The following ROR2 variants were observed in gnomAD, a reference collection of about 807,000 sequenced individuals.
ROR2 encodes tyrosine-protein kinase transmembrane receptor ROR2.
In ROR2, 33 loss-of-function variants were observed where a neutral mutation model predicts 74.9. The ratio of observed to expected loss-of-function variants is 0.44; its 90% confidence interval spans 0.33 to 0.59. The LOEUF (loss-of-function observed/expected upper bound fraction) is 0.59, where lower values mean the gene tolerates loss of function less well. ROR2 is among the 20% of genes least tolerant of loss of function. The pLI is 0.02. For synonymous variants in ROR2, 586 were observed against 558.7 expected (o/e 1.05, Z -0.69); for missense variants, 1,216 against 1,313.8 (o/e 0.93, Z 1.15).
intron 1 of ROR2, among the ~76,000 whole-genome samples, chr9:91,777,957 G>C (rs560362786): frequency 6.6e-6 from 1 of 152,174 alleles, no homozygotes. Flanking sequence ...AGACTCGGGG[G>C]GTCTGTCTCC....
chr9:91,881,849 G>A (rs1450663793), intron 1 of ROR2, among the ~76,000 whole-genome samples: 1 of 152,132 alleles, frequency 6.6e-6, no homozygotes, highest in Non-Finnish European at 1.5e-5. Context: ...GGAGAAATTC[G>A]AGGAAAAGCA....
chr9:91,785,176 T>G (rs1826754949), intron 1 of ROR2, among the ~76,000 whole-genome samples: 1 of 152,162 alleles, frequency 6.6e-6, no homozygotes, highest in Non-Finnish European at 1.5e-5. Flanking sequence ...TTCCAGCTGC[T>G]CCCCTGCAGT....
intron 1 of ROR2, among the ~76,000 whole-genome samples, chr9:91,884,819 T>C (rs1390918140): frequency 2.0e-5 from 3 of 152,106 alleles, no homozygotes; most frequent in Admixed American, 2.0e-4. Flanking sequence ...TCTGGATACA[T>C]ATTAACATGC....
chr9:91,890,148 T>G (rs950002404), intron 1 of ROR2, among the ~76,000 whole-genome samples: 4 of 152,156 alleles, frequency 2.6e-5, no homozygotes, highest in African/African-American at 7.2e-5. Flanking sequence ...TTTCCCTCTT[T>G]CTGGAAGAAA....
chr9:91,886,591 C>G (rs1039149630), intron 1 of ROR2: 1 of 152,454 alleles, frequency 6.6e-6, no homozygotes, highest in Admixed American at 6.5e-5. Context: ...CCGCCCTTCC[C>G]GGCAACCCCC....
rs1554754480 is a variant in ROR2, at chr9:91,741,341, T to TAATAATAAA, written c.495-3824_495-3823insTTTATTATT. 3.0e-4 allele frequency among the ~76,000 whole-genome samples: 40 copies of TAATAATAAA among 132,932 alleles called. 1 individual carries two copies. Among genetic ancestry groups the TAATAATAAA allele is most frequent in the Admixed American group, 6.9e-4 (9 of 12,966 alleles). 87.2% of individuals were successfully genotyped at this position (132,932 alleles called of 152,430 possible). ...ATAATAATAATAATAATAATAATAA[T>TAATAATAAA]AAAATAATGACAACCCTGGGTAAGA... On this transcript the variant is annotated intron_variant, in intron 4 of 8. Transcript: ENST00000375708.
chr9:91,730,629 T>C (rs2118679444), intron 7 of ROR2, among the ~76,000 whole-genome samples: 1 of 152,196 alleles, frequency 6.6e-6, no homozygotes, highest in East Asian at 1.9e-4. Context: ...CCTGGCTAAT[T>C]TTTGTATTTT....
At chr9:91,817,766 G>A (rs1268521360) in intron 1 of ROR2, among the ~76,000 whole-genome samples, 1 of 152,046 alleles carries the variant, frequency 6.6e-6, no homozygotes, top group Admixed American at 6.5e-5. Context: ...TGGGTTTAAC[G>A]ACAGTGATTA....
chr9:91,933,783 A>G (rs1002730080), intron 1 of ROR2, among the ~76,000 whole-genome samples: 2 of 152,218 alleles, frequency 1.3e-5, no homozygotes, highest in Admixed American at 1.3e-4. Flanking sequence ...AATTTCCAGA[A>G]TAGGCAAATC....
chr9:91,898,916 G>GA (rs963170267), intron 1 of ROR2, among the ~76,000 whole-genome samples: 30 of 152,212 alleles, frequency 2.0e-4, no homozygotes, highest in African/African-American at 7.2e-4. Context: ...CAGGAAACTG[G>GA]AAGAAGCCTC....
At chr9:91,731,914 C>CA (rs913937819) in intron 6 of ROR2, among the ~76,000 whole-genome samples, 96 of 152,052 alleles carry the variant, frequency 6.3e-4, no homozygotes, top group African/African-American at 2.1e-3. Flanking sequence ...GACTCTGTCT[C>CA]AAAAAAACAA....
chr9:91,838,966 T>C (rs950723601), intron 1 of ROR2, among the ~76,000 whole-genome samples: 2 of 151,932 alleles, frequency 1.3e-5, no homozygotes, highest in Non-Finnish European at 2.9e-5. Flanking sequence ...AAATTTCAGT[T>C]TGGGAGAGAG....
chr9:91,911,540 C>T (rs1830982073), intron 1 of ROR2, among the ~76,000 whole-genome samples: 1 of 152,098 alleles, frequency 6.6e-6, no homozygotes, highest in Non-Finnish European at 1.5e-5. Context: ...AAATAAGCTT[C>T]AATAAATAAT....
At chr9:91,940,173 T>C (rs1490740916) in intron 1 of ROR2, among the ~76,000 whole-genome samples, 1 of 152,234 alleles carries the variant, frequency 6.6e-6, no homozygotes, top group East Asian at 1.9e-4. Flanking sequence ...TGAAAGGCCA[T>C]TTCCAGCAGG....
intron 1 of ROR2, among the ~76,000 whole-genome samples, chr9:91,846,842 T>C (rs1416585837): frequency 6.6e-6 from 1 of 152,216 alleles, no homozygotes; most frequent in South Asian, 2.1e-4. Flanking sequence ...ACCACTCCGT[T>C]GCCTTCTAGG....
intron 1 of ROR2, among the ~76,000 whole-genome samples, chr9:91,871,393 GAATT>G (rs1056867975): frequency 6.6e-5 from 10 of 152,218 alleles, no homozygotes; most frequent in South Asian, 2.1e-4. Context: ...AAAGTTGGCT[GAATT>G]AATTAATTAA....
At position 91,755,797 on chromosome 9, in the gene ROR2, A is replaced by G. The variant is rs148082714; in HGVS notation, c.494+274T>C. The G allele has an allele frequency of 1.1e-5, 6 of 560,074 alleles. No homozygotes were observed. In the East Asian group the frequency reaches 1.2e-4, roughly 11 times the overall value. The allele number at this position is 560,074 out of a possible 1,614,324, so 34.7% of individuals were successfully genotyped here. A position where few individuals can be genotyped will look rare whatever the true frequency, so the allele number is the denominator to read the frequency against. ...CTGGTGCCCAGGCAACCTGGCCTGT[A>G]TATTTATACTCCTCTCAGTAGCCCT... On this transcript the variant is annotated intron_variant, in intron 4 of 8. Coordinates refer to ENST00000375708, the MANE Select transcript of ROR2 (RefSeq NM_004560.4).
chr9:91,921,486 T>C (rs1045618554), intron 1 of ROR2, among the ~76,000 whole-genome samples: 2 of 152,232 alleles, frequency 1.3e-5, no homozygotes, highest in African/African-American at 4.8e-5. Flanking sequence ...AGCCTGTGCT[T>C]AATTGCAGAC....
chr9:91,761,274 ATGGCCTG>A lies in ROR2; in HGVS notation c.176-3722_176-3716del, dbSNP rs1232548009. 4.6e-5 allele frequency among the ~76,000 whole-genome samples: 7 copies of A among 152,326 alleles called. No homozygotes were observed. In the East Asian group the frequency reaches 1.3e-3, roughly 29 times the overall value. ...CAGTCTCATGGAAGATAATCTTTCC[ATGGCCTG>A]AGGTAGGGGCCTTGGTTTGGGGATA... On this transcript the variant is annotated intron_variant, in intron 2 of 8. Coordinates refer to ENST00000375708, the MANE Select transcript of ROR2 (RefSeq NM_004560.4).
Sources: gnomAD v4.1 joint callset for allele counts (sites outside exome capture counted in the v4.1 genomes callset) on GRCh38, gnomAD v4.1.1 for gene constraint, MANE v1.5 for transcripts, NCBI Gene and HGNC (gene_info 2026-07-23, HGNC 2026-07-21) for gene names.